The following FAM110B variants were observed in gnomAD, a reference collection of about 807,000 sequenced individuals.
FAM110B encodes family with sequence similarity 110 member B.
FAM110B carries 6 observed loss-of-function variants against 20.4 expected under a neutral mutation model. The observed-to-expected ratio is 0.29, with a 90% CI of 0.16 to 0.58. The LOEUF is 0.58. FAM110B is among the 20% of genes least tolerant of loss of function. FAM110B has a pLI of 0.90. For synonymous variants in FAM110B, 226 were observed against 214.1 expected (o/e 1.06, Z -0.49); for missense variants, 434 against 498.2 (o/e 0.87, Z 1.23).
intron 3 of FAM110B, among the ~76,000 whole-genome samples, chr8:58,123,330 A>G (rs569455599): frequency 6.6e-6 from 1 of 152,278 alleles, no homozygotes; most frequent in Admixed American, 6.5e-5. Context: ...GGTGCCAGGC[A>G]AATGCACTCA....
intron 2 of FAM110B, among the ~76,000 whole-genome samples, chr8:58,044,076 C>G (rs1805274356): frequency 1.3e-5 from 2 of 152,182 alleles, no homozygotes; most frequent in African/African-American, 4.8e-5. Context: ...TACTATTTTT[C>G]TGGGCTTAGA....
chr8:58,144,729 TG>T (rs1260336576), intron 3 of FAM110B, among the ~76,000 whole-genome samples: 1 of 152,270 alleles, frequency 6.6e-6, no homozygotes, highest in Non-Finnish European at 1.5e-5. Flanking sequence ...CCAAAGATGC[TG>T]TTAAGGTCAT....
At chr8:58,121,345 A>G (rs146630725) in intron 3 of FAM110B, among the ~76,000 whole-genome samples, 170 of 152,316 alleles carry the variant, frequency 1.1e-3, no homozygotes, top group African/African-American at 3.5e-3. Context: ...CATGAAAGTA[A>G]AGAGAAGTAT....
chr8:58,120,783 AATGGATGTAACTAGGCTAG>A (rs1483960757), intron 3 of FAM110B, among the ~76,000 whole-genome samples: 8 of 152,190 alleles, frequency 5.3e-5, no homozygotes, highest in Admixed American at 5.2e-4. Context: ...GAGAAACAAG[AATGGATGTAACTAGGCTAG>A]ATGGAAGACT....
intron 2 of FAM110B, among the ~76,000 whole-genome samples, chr8:58,049,498 A>G (rs1220633728): frequency 6.6e-6 from 1 of 152,064 alleles, no homozygotes; most frequent in Non-Finnish European, 1.5e-5. Context: ...TTAGCTTGTA[A>G]CAGTCTTGGA....
chr8:58,085,307 G>C (rs543830567), intron 3 of FAM110B, among the ~76,000 whole-genome samples: 98 of 152,250 alleles, frequency 6.4e-4, no homozygotes, highest in African/African-American at 2.2e-3. Context: ...GAGGTCAGAA[G>C]TTAAAGACTA....
At chr8:58,059,849 C>T (rs1407456115) in intron 2 of FAM110B, among the ~76,000 whole-genome samples, 1 of 152,080 alleles carries the variant, frequency 6.6e-6, no homozygotes, top group Non-Finnish European at 1.5e-5. Context: ...CCTGTTTGCT[C>T]TAGATGCTCT....
chr8:58,141,262 C>T (rs1259933072), intron 3 of FAM110B, among the ~76,000 whole-genome samples: 11 of 152,138 alleles, frequency 7.2e-5, no homozygotes, highest in Non-Finnish European at 1.2e-4. Flanking sequence ...ATATTGTAAA[C>T]GTTTTGTTAT....
intron 1 of FAM110B, among the ~76,000 whole-genome samples, chr8:57,999,114 G>A (rs1804243424): frequency 6.6e-6 from 1 of 152,184 alleles, no homozygotes; most frequent in Non-Finnish European, 1.5e-5. Flanking sequence ...TGCTCAGTAT[G>A]TTTGGTGATA....
Position 58,146,729 on chromosome 8 carries a change from C to T in FAM110B, c.499C>T (p.Pro167Ser), listed in dbSNP as rs543657981. 3.0e-5 allele frequency: 49 copies of T among 1,612,328 alleles called. No individual in the cohort carries two copies. The South Asian group carries it at 4.7e-4, about 16-fold the overall frequency. Residue 167 changes from proline to serine, a missense_variant, in exon 4 of 4, where the codon CCC becomes TCC. Coordinates refer to ENST00000519262, the MANE Select transcript of FAM110B (RefSeq NM_001377989.1). ...HSFAESLKVYPTQGRRSPQEG... is the reference protein window; with the variant it reads ...HSFAESLKVYSTQGRRSPQEG... ...CTTCGCGGAGTCCCTGAAGGTCTAC[C>T]CCACGCAGGGCCGCAGGAGCCCGCA...
At chr8:58,135,325 G>A (rs1803584783) in intron 3 of FAM110B, among the ~76,000 whole-genome samples, 1 of 152,110 alleles carries the variant, frequency 6.6e-6, no homozygotes, top group Admixed American at 6.5e-5. Context: ...TTACTAATGG[G>A]GCATTATTAC....
chr8:58,028,949 G>A (rs113941949), intron 1 of FAM110B, among the ~76,000 whole-genome samples: 2 of 152,304 alleles, frequency 1.3e-5, no homozygotes, highest in African/African-American at 4.8e-5. Context: ...CTCCAGTGCT[G>A]CTCTGAAGGC....
At chr8:57,996,051 T>A (rs2150560015) in intron 1 of FAM110B, among the ~76,000 whole-genome samples, 1 of 152,376 alleles carries the variant, frequency 6.6e-6, no homozygotes, top group African/African-American at 2.4e-5. Context: ...TGTATTAATT[T>A]CTTGTACTCA....
At chr8:58,131,164 T>C (rs1803453747) in intron 3 of FAM110B, among the ~76,000 whole-genome samples, 1 of 152,240 alleles carries the variant, frequency 6.6e-6, no homozygotes, top group African/African-American at 2.4e-5. Flanking sequence ...CATTATTCTC[T>C]GGGTTCAAAT....
In FAM110B at chr8:58,147,539, G is replaced by A. The variant is rs144322018; in HGVS notation, c.*196G>A. On this transcript the variant is annotated 3_prime_UTR_variant, in exon 4 of 4. Transcript: ENST00000519262. ...ATCGCTACAGAGCCTGGCTGAACAC[G>A]CGTCATCTGCCAAAAGTTTCAGGCC... 12 of 651,266 alleles carry A rather than the reference G, an allele frequency of 1.8e-5. No individual in the cohort carries two copies. In the South Asian group the frequency reaches 2.0e-4, roughly 11 times the overall value. 40.3% of individuals were successfully genotyped at this position (651,266 alleles called of 1,614,324 possible). A position where few individuals can be genotyped will look rare whatever the true frequency, so the allele number is the denominator to read the frequency against.
chr8:58,125,219 A>G (rs1428843556), intron 3 of FAM110B, among the ~76,000 whole-genome samples: 1 of 152,146 alleles, frequency 6.6e-6, no homozygotes, highest in Non-Finnish European at 1.5e-5. Flanking sequence ...GTGGTGGCGC[A>G]TGCCTGTAGC....
intron 2 of FAM110B, among the ~76,000 whole-genome samples, chr8:58,074,118 GC>G (rs1173207689): frequency 6.6e-6 from 1 of 152,106 alleles, no homozygotes; most frequent in Non-Finnish European, 1.5e-5. Flanking sequence ...CCACCCCACT[GC>G]CTAAGCTGGA....
chr8:58,088,977 AGCAGTGGTAAAAACTCT>A (rs1263110570), intron 3 of FAM110B, among the ~76,000 whole-genome samples: 1 of 152,222 alleles, frequency 6.6e-6, no homozygotes, highest in African/African-American at 2.4e-5. Context: ...ATATTCCTTT[AGCAGTGGTAAAAACTCT>A]GCAATAAAGC....
chr8:58,124,832 T>A (rs1416323187), intron 3 of FAM110B, among the ~76,000 whole-genome samples: 1 of 152,224 alleles, frequency 6.6e-6, no homozygotes, highest in Non-Finnish European at 1.5e-5. Context: ...CTGACTCTAG[T>A]TCCTCTAAAT....
Sources: allele counts gnomAD v4.1 joint callset (sites outside exome capture counted in the v4.1 genomes callset), GRCh38; gene constraint gnomAD v4.1.1; transcripts MANE v1.5; gene names NCBI Gene and HGNC (gene_info 2026-07-23, HGNC 2026-07-21).